SLC24A3: variants seen among roughly 807,000 people sequenced by gnomAD.
SLC24A3 encodes solute carrier family 24 member 3, also known as sodium/potassium/calcium exchanger 3.
A neutral mutation model predicts 75.8 loss-of-function variants in SLC24A3; 28 were observed. The observed-to-expected ratio is 0.37, with a 90% CI of 0.27 to 0.51. The LOEUF is 0.51. SLC24A3 is among the 20% of genes least tolerant of loss of function. The probability of loss-of-function intolerance (pLI) is 0.94; values close to 1 mark genes in which losing one functional copy is unlikely to be tolerated. For synonymous variants in SLC24A3, 372 were observed against 334.1 expected, an observed-to-expected ratio of 1.11 and a Z score of -1.24; for missense variants, 663 against 847.8, an observed-to-expected ratio of 0.78 and a Z score of 2.71.
chr20:19,684,109 T>A (rs777781394), intron 10 of SLC24A3, 67 bp from the exon 11 acceptor site: 167 of 1,539,976 alleles, frequency 1.1e-4, no homozygotes, highest in Non-Finnish European at 1.4e-4. Flanking sequence ...GAAGGAAGAA[T>A]AAATGAATGC....
At chr20:19,428,531 A>G (rs934851136) in intron 2 of SLC24A3, among the ~76,000 whole-genome samples, 1 of 152,224 alleles carries the variant, frequency 6.6e-6, no homozygotes, top group African/African-American at 2.4e-5. Flanking sequence ...CTTGCAACAG[A>G]CATTATTTTC....
At chr20:19,235,031 A>G (rs1271100202) in intron 1 of SLC24A3, among the ~76,000 whole-genome samples, 4 of 152,212 alleles carry the variant, frequency 2.6e-5, no homozygotes, top group African/African-American at 9.6e-5. Flanking sequence ...TGAGCAGTTA[A>G]TGTGCCCACT....
chr20:19,665,997 C>T, intron 8 of SLC24A3, 108 bp downstream of exon 8: 13 of 1,259,148 alleles, frequency 1.0e-5, no homozygotes, highest in Non-Finnish European at 1.4e-5. Flanking sequence ...GTCATGACAG[C>T]TTAGAATGAG....
chr20:19,383,564 G>A (rs1986220859), intron 2 of SLC24A3, among the ~76,000 whole-genome samples: 1 of 152,130 alleles, frequency 6.6e-6, no homozygotes, highest in South Asian at 2.1e-4. Flanking sequence ...GACCCTGAGA[G>A]GACTGAGGAA....
intron 2 of SLC24A3, among the ~76,000 whole-genome samples, chr20:19,502,834 C>T (rs1301026469): frequency 1.4e-5 from 2 of 138,126 alleles, no homozygotes; most frequent in Non-Finnish European, 3.0e-5. Context: ...AGTTTGAGAC[C>T]AGCTTAGGTG....
At chr20:19,240,885 C>T (rs1457989763) in intron 1 of SLC24A3, among the ~76,000 whole-genome samples, 11 of 152,178 alleles carry the variant, frequency 7.2e-5, no homozygotes. Flanking sequence ...GGCAGCTTCT[C>T]TGGACATGGG....
intron 3 of SLC24A3, among the ~76,000 whole-genome samples, chr20:19,550,336 A>C (rs1413409205): frequency 5.9e-5 from 9 of 152,222 alleles, no homozygotes; most frequent in Non-Finnish European, 1.2e-4. Context: ...GTGTCACTTG[A>C]GAATCCCAGA....
chr20:19,430,453 GGGAA>G (rs1396904443), intron 2 of SLC24A3, among the ~76,000 whole-genome samples: 9 of 152,204 alleles, frequency 5.9e-5, no homozygotes, highest in African/African-American at 2.2e-4. Flanking sequence ...AGGAAAAGGA[GGGAA>G]AGGACCAGGG....
chr20:19,400,601 T>C (rs1377047971), intron 2 of SLC24A3, among the ~76,000 whole-genome samples: 3 of 152,180 alleles, frequency 2.0e-5, no homozygotes, highest in Non-Finnish European at 2.9e-5. Flanking sequence ...TCTGCAACCC[T>C]CTAGAATTCT....
intron 1 of SLC24A3, among the ~76,000 whole-genome samples, chr20:19,275,918 C>T (rs1279613019): frequency 6.6e-6 from 1 of 152,162 alleles, no homozygotes; most frequent in Non-Finnish European, 1.5e-5. Context: ...TCATCCCCTA[C>T]CCCTCCCCTG....
intron 2 of SLC24A3, among the ~76,000 whole-genome samples, chr20:19,462,019 C>A (rs1360759440): frequency 6.6e-6 from 1 of 152,134 alleles, no homozygotes; most frequent in Admixed American, 6.5e-5. Flanking sequence ...TTCTTTCCAA[C>A]TTTTATTTTA....
intron 1 of SLC24A3, among the ~76,000 whole-genome samples, chr20:19,220,425 T>C (rs1268242249): frequency 6.6e-6 from 1 of 152,224 alleles, no homozygotes; most frequent in Non-Finnish European, 1.5e-5. Context: ...GCCATGGAAT[T>C]GAACCCACAG....
intron 1 of SLC24A3, among the ~76,000 whole-genome samples, chr20:19,260,756 T>A (rs1982958737): frequency 6.6e-6 from 1 of 152,214 alleles, no homozygotes; most frequent in South Asian, 2.1e-4. Context: ...GCAGAAGGCC[T>A]GCGAGGCATC....
At chr20:19,470,434 AAC>A (rs1987850340) in intron 2 of SLC24A3, among the ~76,000 whole-genome samples, 1 of 152,148 alleles carries the variant, frequency 6.6e-6, no homozygotes, top group Admixed American at 6.5e-5. Context: ...CCCAAGAATC[AAC>A]AGAGTGTTCT....
At chr20:19,352,172 A>T (rs995242284) in intron 2 of SLC24A3, among the ~76,000 whole-genome samples, 1 of 152,118 alleles carries the variant, frequency 6.6e-6, no homozygotes, top group Non-Finnish European at 1.5e-5. Context: ...TTACACCCAA[A>T]GTTGCCTTTC....
At chr20:19,332,454 A>C (rs1427092984) in intron 2 of SLC24A3, among the ~76,000 whole-genome samples, 1 of 152,090 alleles carries the variant, frequency 6.6e-6, no homozygotes, top group Non-Finnish European at 1.5e-5. Flanking sequence ...CTTTTATATC[A>C]ACACATGTCT....
intron 2 of SLC24A3, among the ~76,000 whole-genome samples, chr20:19,486,173 T>G (rs755449275): frequency 6.6e-6 from 1 of 151,988 alleles, no homozygotes; most frequent in Non-Finnish European, 1.5e-5. Context: ...GGAAGGAGAG[T>G]CTCCCTTCTA....
Position 19,721,881 on chromosome 20 carries a change from T to C in SLC24A3, c.*741T>C, listed in dbSNP as rs975918752. 2.0e-5 allele frequency: 3 copies of C among 152,614 alleles called. No individual in the cohort carries two copies. The highest frequency in any genetic ancestry group is 2.1e-4 in the South Asian group (1 of 4,816). 9.5% of individuals were successfully genotyped at this position (152,614 alleles called of 1,614,324 possible). On this transcript the variant is annotated 3_prime_UTR_variant, in exon 17 of 17. Coordinates refer to ENST00000328041, the MANE Select transcript of SLC24A3 (RefSeq NM_020689.4). Reference sequence around the variant, plus strand: ...CCAAGGACGCCTCGCTAAAGTCTTATGGGCGTCCCCTGGGGTTGGGGGGGC... The same window carrying C: ...CCAAGGACGCCTCGCTAAAGTCTTACGGGCGTCCCCTGGGGTTGGGGGGGC...
chr20:19,317,702 C>T (rs1314520323), intron 2 of SLC24A3, among the ~76,000 whole-genome samples: 6 of 152,278 alleles, frequency 3.9e-5, no homozygotes, highest in South Asian at 2.1e-4. Flanking sequence ...CTTTTGTTCT[C>T]CCCTTCACCA....
Sources: gnomAD v4.1 joint callset for allele counts (sites outside exome capture counted in the v4.1 genomes callset) on GRCh38, gnomAD v4.1.1 for gene constraint, MANE v1.5 for transcripts, NCBI Gene and HGNC (gene_info 2026-07-23, HGNC 2026-07-21) for gene names.